ZNF804B: variants seen among roughly 807,000 people sequenced by gnomAD.
ZNF804B encodes the protein zinc finger 804B.
In ZNF804B, 80 loss-of-function variants were observed where a neutral mutation model predicts 101.4. That is an observed-to-expected ratio of 0.79 (90% CI 0.66 to 0.95). ZNF804B has a LOEUF of 0.95. ZNF804B is among the 40% of genes least tolerant of loss of function. The pLI is 0.00. For missense variants in ZNF804B, 1,673 were observed against 1,561.9 expected (o/e 1.07, Z -1.20); for synonymous variants, 622 against 558.8 (o/e 1.11, Z -1.59).
chr7:88,968,283 G>A (rs2116105442), intron 1 of ZNF804B, among the ~76,000 whole-genome samples: 1 of 151,640 alleles, frequency 6.6e-6, no homozygotes, highest in South Asian at 2.1e-4. Context: ...AAAGTGGCAA[G>A]GAGGTTTCGG....
intron 1 of ZNF804B, among the ~76,000 whole-genome samples, chr7:89,140,735 T>A (rs1415845831): frequency 1.3e-5 from 2 of 152,126 alleles, no homozygotes; most frequent in African/African-American, 2.4e-5. Context: ...TGTGGCTGGT[T>A]GATCTTCAAT....
chr7:88,971,859 G>A (rs1793542731), intron 1 of ZNF804B, among the ~76,000 whole-genome samples: 1 of 151,516 alleles, frequency 6.6e-6, no homozygotes, highest in South Asian at 2.1e-4. Context: ...TTCTTTGGGG[G>A]AAATAGATAC....
intron 1 of ZNF804B, among the ~76,000 whole-genome samples, chr7:88,895,555 G>A (rs749289953): frequency 2.6e-5 from 4 of 152,170 alleles, no homozygotes; most frequent in Non-Finnish European, 5.9e-5. Flanking sequence ...AGCACATCCA[G>A]CACCAAGATC....
intron 1 of ZNF804B, among the ~76,000 whole-genome samples, chr7:89,182,537 T>C (rs918322303): frequency 1.3e-5 from 2 of 152,134 alleles, no homozygotes; most frequent in African/African-American, 4.8e-5. Flanking sequence ...GAAGCACAAT[T>C]TTGAAATTAC....
intron 1 of ZNF804B, among the ~76,000 whole-genome samples, chr7:89,060,116 G>A (rs1277509990): frequency 6.6e-6 from 1 of 152,110 alleles, no homozygotes; most frequent in Non-Finnish European, 1.5e-5. Flanking sequence ...CTTGGACTGA[G>A]CCATACTATC....
Position 89,174,953 on chromosome 7 carries a change from A to G in ZNF804B, c.109-43202A>G, listed in dbSNP as rs144711048. On this transcript the variant is annotated intron_variant, in intron 1 of 3. Coordinates refer to ENST00000333190, the MANE Select transcript of ZNF804B (RefSeq NM_181646.5). ...TTTTAAATTGAAACATTATTTTTCT[A>G]TTGAGTTGTTTGAGCTCCTTATATA... Among the ~76,000 whole-genome samples the G allele has an allele frequency of 1.5e-3, 222 of 151,940 alleles. 1 individual carries two copies. The highest frequency in any genetic ancestry group is 2.5e-3 in the Non-Finnish European group (169 of 67,788).
intron 1 of ZNF804B, among the ~76,000 whole-genome samples, chr7:89,149,837 A>G (rs1301803890): frequency 6.6e-6 from 1 of 151,400 alleles, no homozygotes; most frequent in Admixed American, 6.6e-5. Context: ...CATTACTGAT[A>G]TTTGCCCAGT....
intron 2 of ZNF804B, among the ~76,000 whole-genome samples, chr7:89,311,997 C>G (rs1438985481): frequency 1.3e-5 from 2 of 152,048 alleles, no homozygotes; most frequent in Non-Finnish European, 2.9e-5. Flanking sequence ...GGTAATGCCT[C>G]AGAGGTAGTG....
intron 2 of ZNF804B, among the ~76,000 whole-genome samples, chr7:89,327,123 A>G (rs565058689): frequency 1.8e-4 from 27 of 152,054 alleles, no homozygotes; most frequent in East Asian, 7.7e-4. Context: ...CCAGCTTTGC[A>G]GTGACTGTGA....
intron 1 of ZNF804B, among the ~76,000 whole-genome samples, chr7:88,824,002 C>T (rs1293595649): frequency 2.6e-5 from 4 of 152,130 alleles, no homozygotes; most frequent in African/African-American, 9.7e-5. Flanking sequence ...CCTAGATGCT[C>T]GCTGGCCTGC....
rs78485185 is a variant in ZNF804B at position 89,325,868 on chromosome 7, T to C, written c.250-1476T>C. Among the ~76,000 whole-genome samples, 894 of 152,124 alleles carry C rather than the reference T, an allele frequency of 5.9e-3. 10 individuals are homozygous for C. Among genetic ancestry groups the C allele is most frequent in the African/African-American group, 0.021 (861 of 41,546 alleles). ...CAGTTGTACTATAGTTTATGTTTGT[T>C]CTTAAATCATTTAGGACAATTTCCA... On this transcript the variant is annotated intron_variant, in intron 2 of 3. Transcript: ENST00000333190.
At chr7:89,115,929 AG>A (rs1396495911) in intron 1 of ZNF804B, among the ~76,000 whole-genome samples, 1 of 150,290 alleles carries the variant, frequency 6.7e-6, no homozygotes, top group Non-Finnish European at 1.5e-5. Flanking sequence ...TTTTTTGACA[AG>A]AGTCTCACTC....
intron 2 of ZNF804B, among the ~76,000 whole-genome samples, chr7:89,292,649 G>A (rs1174760088): frequency 2.0e-5 from 3 of 151,632 alleles, no homozygotes; most frequent in East Asian, 3.9e-4. Context: ...AAAGAACGAA[G>A]ACCACAAAAC....
chr7:88,883,962 A>G (rs1213684182), intron 1 of ZNF804B, among the ~76,000 whole-genome samples: 1 of 152,086 alleles, frequency 6.6e-6, no homozygotes, highest in Non-Finnish European at 1.5e-5. Context: ...ATCTCCAGAA[A>G]TCACATTATA....
intron 1 of ZNF804B, among the ~76,000 whole-genome samples, chr7:89,116,184 G>A (rs369013989): frequency 2.6e-5 from 4 of 151,900 alleles, no homozygotes; most frequent in East Asian, 1.9e-4. Flanking sequence ...AGAGTCCTGG[G>A]ATTACAGGCA....
At chr7:88,944,799 T>C (rs1421174867) in intron 1 of ZNF804B, among the ~76,000 whole-genome samples, 1 of 151,852 alleles carries the variant, frequency 6.6e-6, no homozygotes, top group Non-Finnish European at 1.5e-5. Flanking sequence ...ACTTTTTGAG[T>C]GCTGACAGAC....
intron 1 of ZNF804B, among the ~76,000 whole-genome samples, chr7:88,970,774 C>T (rs933496409): frequency 2.3e-5 from 3 of 129,252 alleles, no homozygotes; most frequent in East Asian, 2.2e-4. Flanking sequence ...ACAATGAGAA[C>T]ACAAGGACAC....
rs75192612 is a variant in ZNF804B at position 89,011,992 on chromosome 7, A to G, written c.109-206163A>G. Among the ~76,000 whole-genome samples, 1,186 of 152,282 alleles carry G rather than the reference A, an allele frequency of 7.8e-3. 20 individuals are homozygous for G. The highest frequency in any genetic ancestry group is 0.027 in the African/African-American group (1,129 of 41,542). ...CAATGAGGGCTCTACCCCTGCAGCA[A>G]ACTTCTGACTGAATATCCAAGCATT... On this transcript the variant is annotated intron_variant, in intron 1 of 3. Transcript: ENST00000333190.
At chr7:89,240,428 T>A (rs940858317) in intron 2 of ZNF804B, among the ~76,000 whole-genome samples, 1 of 152,034 alleles carries the variant, frequency 6.6e-6, no homozygotes, top group Non-Finnish European at 1.5e-5. Context: ...TTTCTCTTTT[T>A]TTTCTGTAAA....
Sources: gnomAD v4.1 joint callset for allele counts (sites outside exome capture counted in the v4.1 genomes callset) on GRCh38, gnomAD v4.1.1 for gene constraint, MANE v1.5 for transcripts, NCBI Gene and HGNC (gene_info 2026-07-23, HGNC 2026-07-21) for gene names.